NRXN1: variants seen among roughly 807,000 people sequenced by gnomAD.
The protein encoded by NRXN1 is neurexin 1.
Under a neutral mutation model 150.9 loss-of-function variants are expected in NRXN1, and 39 were observed. The ratio of observed to expected loss-of-function variants is 0.26; its 90% CI spans 0.20 to 0.34. NRXN1 has a LOEUF of 0.34. Among genes scored for constraint, NRXN1 ranks in the 10% least tolerant of loss-of-function variants. The pLI is 1.00. For synonymous variants in NRXN1, 924 were observed against 757.0 expected (o/e 1.22, Z -3.62); for missense variants, 1,815 against 1,949.9 (o/e 0.93, Z 1.30).
intron 2 of NRXN1, among the ~76,000 whole-genome samples, chr2:50,955,302 A>C (rs1692104643): frequency 6.6e-6 from 1 of 152,170 alleles, no homozygotes; most frequent in Admixed American, 6.5e-5. Context: ...GCTGGCCCTG[A>C]CTGTCACCAG....
chr2:50,611,896 C>A (rs1269356763), intron 8 of NRXN1, among the ~76,000 whole-genome samples: 1 of 152,104 alleles, frequency 6.6e-6, no homozygotes, highest in Non-Finnish European at 1.5e-5. Context: ...AGAAATATTT[C>A]CTGCTGCTTC....
intron 5 of NRXN1, among the ~76,000 whole-genome samples, chr2:50,814,202 G>A (rs947156915): frequency 3.3e-5 from 5 of 152,024 alleles, no homozygotes; most frequent in African/African-American, 1.2e-4. Flanking sequence ...TCCCAGTGTT[G>A]CTCAGGCTGT....
intron 17 of NRXN1, among the ~76,000 whole-genome samples, chr2:50,273,188 G>C (rs2069940795): frequency 6.6e-6 from 1 of 152,132 alleles, no homozygotes. Flanking sequence ...AGGGAAGTTT[G>C]GATTCAAATA....
chr2:50,688,588 A>T (rs1254583527), intron 5 of NRXN1, among the ~76,000 whole-genome samples: 1 of 152,112 alleles, frequency 6.6e-6, no homozygotes, highest in Non-Finnish European at 1.5e-5. Flanking sequence ...TTTTTGCTGC[A>T]ATCAGTAAGG....
At chr2:50,380,371 C>T (rs913235712) in intron 17 of NRXN1, among the ~76,000 whole-genome samples, 2 of 151,926 alleles carry the variant, frequency 1.3e-5, no homozygotes, top group African/African-American at 4.8e-5. Flanking sequence ...CATATCATGA[C>T]TATCTTAACT....
At chr2:50,245,565 G>C (rs943936960) in intron 17 of NRXN1, among the ~76,000 whole-genome samples, 3 of 151,874 alleles carry the variant, frequency 2.0e-5, no homozygotes, top group African/African-American at 7.2e-5. Context: ...ATTTTGAAGA[G>C]CATAACCTAA....
chr2:50,971,709 C>A (rs1220336552), intron 2 of NRXN1, among the ~76,000 whole-genome samples: 5 of 152,188 alleles, frequency 3.3e-5, no homozygotes, highest in Non-Finnish European at 7.4e-5. Context: ...CCTTCAAATT[C>A]TTTTTATGAC....
chr2:50,753,735 G>A, intron 5 of NRXN1, among the ~76,000 whole-genome samples: 1 of 151,844 alleles, frequency 6.6e-6, no homozygotes, highest in African/African-American at 2.4e-5. Flanking sequence ...GAAATATTCT[G>A]AGTGATTAGA....
At chr2:50,697,385 A>C (rs1370217885) in intron 5 of NRXN1, among the ~76,000 whole-genome samples, 1 of 152,216 alleles carries the variant, frequency 6.6e-6, no homozygotes, top group East Asian at 1.9e-4. Context: ...AAAGTTGGAA[A>C]GAGTGTTAAG....
At chr2:51,008,483 G>C (rs1351626615) in intron 2 of NRXN1, among the ~76,000 whole-genome samples, 1 of 151,850 alleles carries the variant, frequency 6.6e-6, no homozygotes, top group Admixed American at 6.6e-5. Context: ...AATTTGGTTT[G>C]TGTTTTTGAG....
chr2:49,995,674 G>T (rs1249911424), intron 21 of NRXN1, among the ~76,000 whole-genome samples: 2 of 150,964 alleles, frequency 1.3e-5, no homozygotes, highest in South Asian at 4.2e-4. Flanking sequence ...CCAGCTACTC[G>T]GGAGGCTGAG....
intron 21 of NRXN1, among the ~76,000 whole-genome samples, chr2:50,052,007 C>T (rs889640473): frequency 3.3e-5 from 5 of 152,014 alleles, no homozygotes; most frequent in African/African-American, 1.2e-4. Context: ...TTGCCCATCC[C>T]TCTTCTAGGA....
chr2:50,045,953 A>G (rs1691735563), intron 21 of NRXN1, among the ~76,000 whole-genome samples: 1 of 152,210 alleles, frequency 6.6e-6, no homozygotes, highest in African/African-American at 2.4e-5. Flanking sequence ...TTCATTCTCA[A>G]GTTGAAAAAT....
At chr2:50,576,108 CA>C (rs1376037929) in intron 8 of NRXN1, among the ~76,000 whole-genome samples, 1 of 152,112 alleles carries the variant, frequency 6.6e-6, no homozygotes, top group African/African-American at 2.4e-5. Flanking sequence ...TCACTAGATT[CA>C]TTTGAAAATA....
chr2:50,989,044 C>A (rs951490280), intron 2 of NRXN1, among the ~76,000 whole-genome samples: 1 of 151,780 alleles, frequency 6.6e-6, no homozygotes, highest in Non-Finnish European at 1.5e-5. Flanking sequence ...CAGGAACTTG[C>A]GTCCTGAGAG....
intron 5 of NRXN1, among the ~76,000 whole-genome samples, chr2:50,683,476 CA>C (rs1247645691): frequency 6.8e-6 from 1 of 147,786 alleles, no homozygotes; most frequent in South Asian, 2.2e-4. Flanking sequence ...ACTAAAAATA[CA>C]AAAAATTAGC....
intron 8 of NRXN1, chr2:50,616,181 T>A (rs1559024315): frequency 1.3e-5 from 2 of 152,164 alleles, no homozygotes; most frequent in Middle Eastern, 3.4e-3. Flanking sequence ...ATGAATTATT[T>A]AAAAAAAACT....
intron 17 of NRXN1, among the ~76,000 whole-genome samples, chr2:50,387,853 A>G (rs556761261): frequency 6.6e-6 from 1 of 152,322 alleles, no homozygotes; most frequent in South Asian, 2.1e-4. Flanking sequence ...AGAAATGAAT[A>G]CCTTTATTTT....
chr2:50,465,561 C>T lies in NRXN1; in HGVS notation c.3245G>A (p.Gly1082Glu). The T allele has an allele frequency of 1.2e-6, 2 of 1,604,012 alleles. No homozygotes were observed. The highest frequency in any genetic ancestry group is 1.7e-6 in the Non-Finnish European group (2 of 1,174,612). ...GTCCTCTTGGCAGGTTGTGCTGGGC[C>T]CTGCAAAACAATCCAAAGGAAACTT... Reference protein sequence around the residue: ...CNGQIERGCEGPSTTCQEDSC... With the variant: ...CNGQIERGCEEPSTTCQEDSC... The change falls in exon 17 of 23, where the codon GGG becomes GAG. Residue 1082 changes from glycine (G) to glutamate (E), a missense_variant and splice_region_variant. Coordinates refer to ENST00000401669, the MANE Select transcript of NRXN1 (RefSeq NM_001330078.2).
Sources: gnomAD v4.1 joint callset for allele counts (sites outside exome capture counted in the v4.1 genomes callset) on GRCh38, gnomAD v4.1.1 for gene constraint, MANE v1.5 for transcripts, NCBI Gene and HGNC (gene_info 2026-07-23, HGNC 2026-07-21) for gene names.